The following ENTREP2 variants were observed in gnomAD, a reference collection of about 807,000 sequenced individuals.
The protein encoded by ENTREP2 is protein ENTREP2.
the ENTREP2 span, among the ~76,000 whole-genome samples, chr15:29,429,924 T>G: frequency 6.6e-6 from 1 of 152,200 alleles, no homozygotes; most frequent in Admixed American, 6.5e-5. Context: ...CCACGCCTGA[T>G]GTAAAGCCAC....
chr15:29,663,863 TA>T, the ENTREP2 span, among the ~76,000 whole-genome samples: 7 of 151,750 alleles, frequency 4.6e-5, no homozygotes, highest in Admixed American at 6.6e-5. Flanking sequence ...AAAGTATAAT[TA>T]AAAAAAATAC....
the ENTREP2 span, among the ~76,000 whole-genome samples, chr15:29,657,032 C>G: frequency 6.6e-6 from 1 of 152,080 alleles, no homozygotes; most frequent in East Asian, 1.9e-4. Context: ...CGAAGCCGGG[C>G]CTTCGTGGTG....
the ENTREP2 span, among the ~76,000 whole-genome samples, chr15:29,349,477 G>A: frequency 6.6e-6 from 1 of 152,094 alleles, no homozygotes; most frequent in African/African-American, 2.4e-5. Context: ...CTGGCAAACT[G>A]GAATGTAAAC....
the ENTREP2 span, among the ~76,000 whole-genome samples, chr15:29,453,393 A>AGG: frequency 6.6e-6 from 1 of 152,228 alleles, no homozygotes; most frequent in Non-Finnish European, 1.5e-5. Flanking sequence ...ACTTAACTGA[A>AGG]AAGTGAACTG....
At chr15:29,547,059 G>C in the ENTREP2 span, among the ~76,000 whole-genome samples, 2 of 150,776 alleles carry the variant, frequency 1.3e-5, no homozygotes, top group Non-Finnish European at 2.9e-5. Flanking sequence ...GAAAGAAACA[G>C]AACAACCACT....
chr15:29,654,251 A>T, the ENTREP2 span, among the ~76,000 whole-genome samples: 2 of 152,174 alleles, frequency 1.3e-5, no homozygotes, highest in Non-Finnish European at 2.9e-5. Flanking sequence ...TTGTTTTCTC[A>T]AACTTTCGCA....
At chr15:29,319,644 G>A in the ENTREP2 span, among the ~76,000 whole-genome samples, 1 of 152,188 alleles carries the variant, frequency 6.6e-6, no homozygotes, top group Non-Finnish European at 1.5e-5. Context: ...TAAGAAAAAA[G>A]CTGAACAAAC....
the ENTREP2 span, among the ~76,000 whole-genome samples, chr15:29,552,722 C>T: frequency 2.6e-5 from 4 of 152,138 alleles, no homozygotes; most frequent in South Asian, 2.1e-4. Context: ...ATATGTTACA[C>T]GTCTACAAAA....
At chr15:29,332,791 C>T in the ENTREP2 span, among the ~76,000 whole-genome samples, 12 of 152,044 alleles carry the variant, frequency 7.9e-5, no homozygotes, top group African/African-American at 2.9e-4. Context: ...GAAAACCTGT[C>T]TCTAGTAAAA....
At chr15:29,514,203 C>T in the ENTREP2 span, among the ~76,000 whole-genome samples, 32 of 152,174 alleles carry the variant, frequency 2.1e-4, no homozygotes, top group Admixed American at 1.3e-3. Flanking sequence ...AAAACTGAAA[C>T]TCTATATCCA....
chr15:29,150,980 G>A, the ENTREP2 span, among the ~76,000 whole-genome samples: 3 of 151,872 alleles, frequency 2.0e-5, no homozygotes, highest in Non-Finnish European at 4.4e-5. Flanking sequence ...ACACACACAC[G>A]CGTGCGCATA....
At chr15:29,479,374 G>C in the ENTREP2 span, among the ~76,000 whole-genome samples, 1 of 152,042 alleles carries the variant, frequency 6.6e-6, no homozygotes, top group Non-Finnish European at 1.5e-5. Context: ...AGAACCAAGA[G>C]TGAATTAAAC....
At chr15:29,488,711 C>G in the ENTREP2 span, among the ~76,000 whole-genome samples, 16 of 152,170 alleles carry the variant, frequency 1.1e-4, no homozygotes, top group African/African-American at 3.9e-4. Flanking sequence ...GATCCTCAAT[C>G]AGATTAACAG....
chr15:29,331,124 G>A, the ENTREP2 span, among the ~76,000 whole-genome samples: 88 of 152,284 alleles, frequency 5.8e-4, no homozygotes, highest in African/African-American at 1.9e-3. Flanking sequence ...TTACACTGAC[G>A]GAATGAGGGC....
chr15:29,249,862 T>C, the ENTREP2 span, among the ~76,000 whole-genome samples: 2 of 151,764 alleles, frequency 1.3e-5, no homozygotes, highest in Non-Finnish European at 2.9e-5. Flanking sequence ...TGGTGGAAAG[T>C]GAAGGGGGAG....
At chr15:29,350,710 A>T in the ENTREP2 span, among the ~76,000 whole-genome samples, 1 of 152,128 alleles carries the variant, frequency 6.6e-6, no homozygotes. Context: ...TGGGAGGCCG[A>T]GTTGGGTGGA....
At chr15:29,586,593 T>A in the ENTREP2 span, among the ~76,000 whole-genome samples, 1 of 151,918 alleles carries the variant, frequency 6.6e-6, no homozygotes, top group South Asian at 2.1e-4. Flanking sequence ...GGCGGATCCC[T>A]TTAGGTCAGG....
At chr15:29,518,108 G>T in the ENTREP2 span, among the ~76,000 whole-genome samples, 54 of 152,264 alleles carry the variant, frequency 3.5e-4, no homozygotes, top group African/African-American at 1.2e-3. Flanking sequence ...CAGGGAGACA[G>T]AGGAAATGGG....
the ENTREP2 span, among the ~76,000 whole-genome samples, chr15:29,202,736 T>C: frequency 6.6e-6 from 1 of 152,150 alleles, no homozygotes; most frequent in Non-Finnish European, 1.5e-5. Context: ...ACATGCAGTG[T>C]TTGGTTTTCT....
Sources: gnomAD v4.1 joint callset for allele counts (sites outside exome capture counted in the v4.1 genomes callset) on GRCh38, gnomAD v4.1.1 for gene constraint, MANE v1.5 for transcripts, NCBI Gene and HGNC (gene_info 2026-07-23, HGNC 2026-07-21) for gene names.